Variants in IL5RA observed in about 807,000 individuals in gnomAD.
The protein encoded by IL5RA is interleukin-5 receptor subunit alpha.
In IL5RA, 49 loss-of-function variants were observed where a neutral mutation model predicts 50.0. That is an observed-to-expected ratio of 0.98 (90% CI 0.78 to 1.24). IL5RA has a LOEUF of 1.24. IL5RA is among the 50% of genes most tolerant of loss of function. IL5RA has a pLI of 0.00. For missense variants in IL5RA, 600 were observed against 500.4 expected (o/e 1.20, Z -1.90); for synonymous variants, 202 against 174.0 (o/e 1.16, Z -1.26).
intron 9 of IL5RA, among the ~76,000 whole-genome samples, chr3:3,080,199 G>C (rs967276566): frequency 5.3e-5 from 8 of 152,142 alleles, no homozygotes; most frequent in Admixed American, 5.2e-4. Flanking sequence ...AGTGCTTCTA[G>C]GTGCTCAGAT....
chr3:3,098,524 C>T (rs1703474140), intron 5 of IL5RA, among the ~76,000 whole-genome samples: 1 of 152,104 alleles, frequency 6.6e-6, no homozygotes. Flanking sequence ...TCTCGTGCCT[C>T]AGCCTCCCAA....
At chr3:3,091,191 TAC>T (rs1703082134) in intron 9 of IL5RA, among the ~76,000 whole-genome samples, 1 of 152,226 alleles carries the variant, frequency 6.6e-6, no homozygotes, top group African/African-American at 2.4e-5. Context: ...CCCTATAGAT[TAC>T]ACAGTTTTGG....
intron 1 of IL5RA, among the ~76,000 whole-genome samples, chr3:3,109,085 G>A (rs1247471620): frequency 6.6e-6 from 1 of 152,034 alleles, no homozygotes; most frequent in Non-Finnish European, 1.5e-5. Context: ...CTTTTCATGT[G>A]TTTATTAATT....
chr3:3,070,035 T>G lies in IL5RA; in HGVS notation c.*190A>C. 1 of 530,030 alleles carries G rather than the reference T, an allele frequency of 1.9e-6. No homozygotes were observed. The highest frequency in any genetic ancestry group is 3.4e-6 in the Non-Finnish European group (1 of 294,596). The allele number at this position is 530,030 out of a possible 1,614,324, so 32.8% of individuals were successfully genotyped here. The stretch of plus-strand genomic sequence containing the variant: ...GATGAGTCAACTTCCCTGCTGTAGG[T>G]GAGGCGATTTGGATGAAGCATCCAT... On this transcript the variant is annotated 3_prime_UTR_variant, in exon 12 of 12. Transcript: ENST00000446632.
chr3:3,078,985 C>T (rs897098980), intron 9 of IL5RA, among the ~76,000 whole-genome samples: 1 of 152,106 alleles, frequency 6.6e-6, no homozygotes, highest in African/African-American at 2.4e-5. Context: ...GACCTCCTTC[C>T]TGAATTTCAG....
intron 9 of IL5RA, among the ~76,000 whole-genome samples, chr3:3,089,711 C>A (rs1296009743): frequency 2.6e-5 from 4 of 151,994 alleles, no homozygotes; most frequent in Non-Finnish European, 4.4e-5. Context: ...TCACTGCAAC[C>A]TCTGCCTCCT....
chr3:3,092,904 C>T lies in IL5RA; in HGVS notation c.856-542G>A, dbSNP rs1176115412. On this transcript the variant is annotated intron_variant, in intron 8 of 11. Transcript: ENST00000446632. The surrounding 1 kb of genome is among the most constrained non-coding windows in gnomAD (Gnocchi z 4.2). The stretch of plus-strand genomic sequence containing the variant: ...GGAGGTGTTTCTCCCTTTTTTACTC[C>T]AGCCCTGTGACCATTGCCTATTTTA... 6.6e-6 allele frequency among the ~76,000 whole-genome samples: 1 copy of T among 152,072 alleles called. No individual in the cohort carries two copies. Among genetic ancestry groups the T allele is most frequent in the Non-Finnish European group, 1.5e-5 (1 of 68,024 alleles).
Position 3,074,911 on chromosome 3 carries a change from T to C in IL5RA, c.1092-45A>G, listed in dbSNP as rs753346086. On this transcript the variant is annotated intron_variant, in intron 10 of 11. Coordinates refer to ENST00000446632, the MANE Select transcript of IL5RA (RefSeq NM_175726.4). ...GGAATTAGGTGAGCATGAGTATACCTTTTGTCTCTAAATATCTACTCTAAA... is the reference window on the plus strand; with the variant it reads ...GGAATTAGGTGAGCATGAGTATACCCTTTGTCTCTAAATATCTACTCTAAA... The C allele has an allele frequency of 1.1e-4, 122 of 1,161,662 alleles. 1 individual carries two copies. Among genetic ancestry groups the C allele is most frequent in the Non-Finnish European group, 1.6e-4 (120 of 773,878 alleles). 72.0% of individuals were successfully genotyped at this position (1,161,662 alleles called of 1,614,324 possible).
chr3:3,074,729 A>AG, intron 11 of IL5RA, 53 bp downstream of exon 11: 1 of 1,043,740 alleles, frequency 9.6e-7, no homozygotes, highest in Non-Finnish European at 1.5e-6. Context: ...GACAGCTCCC[A>AG]GGGGACTCAA....
chr3:3,092,749 TGTTGA>T lies in IL5RA; in HGVS notation c.856-392_856-388del, dbSNP rs1703183529. 2.6e-5 allele frequency among the ~76,000 whole-genome samples: 4 copies of T among 152,166 alleles called. No homozygotes were observed. The highest frequency in any genetic ancestry group is 5.9e-5 in the Non-Finnish European group (4 of 68,034). On this transcript the variant is annotated intron_variant, in intron 8 of 11. Coordinates refer to ENST00000446632, the MANE Select transcript of IL5RA (RefSeq NM_175726.4). The surrounding 1 kb of genome is among the most constrained non-coding windows in gnomAD (Gnocchi z 4.2). ...GTCACATGAACGCTAGATTGTCTAG[TGTTGA>T]AATGAAGCTATTTTCTCATGAATGA...
chr3:3,077,418 C>T (rs941028019), intron 9 of IL5RA, among the ~76,000 whole-genome samples: 1 of 152,176 alleles, frequency 6.6e-6, no homozygotes, highest in African/African-American at 2.4e-5. Context: ...CTTCTAGGAA[C>T]TTCTATGATA....
intron 7 of IL5RA, among the ~76,000 whole-genome samples, chr3:3,097,429 C>T (rs183569534): frequency 1.3e-4 from 20 of 152,248 alleles, no homozygotes; most frequent in African/African-American, 4.6e-4. Context: ...GACCCAGGGG[C>T]AGAAATTTCA....
At chr3:3,097,225 C>CA (rs1703406088) in intron 7 of IL5RA, among the ~76,000 whole-genome samples, 1 of 152,270 alleles carries the variant, frequency 6.6e-6, no homozygotes, top group African/African-American at 2.4e-5. Flanking sequence ...CTGAGAATTG[C>CA]ACACTGAGAG....
chr3:3,074,708 A>G, intron 11 of IL5RA, 74 bp downstream of exon 11: 4 of 829,776 alleles, frequency 4.8e-6, no homozygotes, highest in Non-Finnish European at 8.0e-6. Context: ...ATAGAAAACT[A>G]AGAACCGAAT....
chr3:3,110,053 T>C lies in IL5RA; in HGVS notation c.-254A>G, dbSNP rs1704110647. On this transcript the variant is annotated 5_prime_UTR_variant, in exon 1 of 12. The change abolishes an upstream ATG in the 5' untranslated region. Coordinates refer to ENST00000446632, the MANE Select transcript of IL5RA (RefSeq NM_175726.4). ...GAGGCGGTTCTTCACTCTTTCATCA[T>C]CACGGCTGTAATGGTTAAAAACTCT... 2 of 152,170 alleles carry C rather than the reference T, an allele frequency of 1.3e-5. No homozygotes were observed. Among genetic ancestry groups the C allele is most frequent in the African/African-American group, 4.8e-5 (2 of 41,436 alleles). 9.4% of individuals were successfully genotyped at this position (152,170 alleles called of 1,614,324 possible). A position where few individuals can be genotyped will look rare whatever the true frequency, so the allele number is the denominator to read the frequency against.
chr3:3,091,325 T>C (rs934616307), intron 9 of IL5RA, among the ~76,000 whole-genome samples: 1 of 152,150 alleles, frequency 6.6e-6, no homozygotes, highest in Non-Finnish European at 1.5e-5. Context: ...GATGGGTGTA[T>C]TTATAAAAGT....
At position 3,083,904 on chromosome 3, in the gene IL5RA, C is replaced by A. The variant is rs138377185; in HGVS notation, c.995-7277G>T. On this transcript the variant is annotated intron_variant, in intron 9 of 11. Transcript: ENST00000446632. ...GTCTCTACTAAAGATACAAAATTAGCCAGGCGGGGTGGCATGAGTAATTCC... is the reference window on the plus strand; with the variant it reads ...GTCTCTACTAAAGATACAAAATTAGACAGGCGGGGTGGCATGAGTAATTCC... Among the ~76,000 whole-genome samples the A allele has an allele frequency of 1.8e-3, 273 of 152,142 alleles. 8 individuals are homozygous for A. In the South Asian group the frequency reaches 0.053, roughly 30 times the overall value.
At chr3:3,107,684 T>C (rs539126413) in intron 2 of IL5RA, among the ~76,000 whole-genome samples, 90 of 152,330 alleles carry the variant, frequency 5.9e-4, no homozygotes, top group African/African-American at 2.1e-3. Flanking sequence ...CATGATCTCA[T>C]GATCTACTTG....
intron 11 of IL5RA, among the ~76,000 whole-genome samples, chr3:3,070,887 A>G (rs965747651): frequency 2.6e-5 from 4 of 152,002 alleles, no homozygotes; most frequent in African/African-American, 9.7e-5. Context: ...GGCCGGATAC[A>G]CATCTTTAAA....
Sources: gnomAD v4.1 joint callset for allele counts (sites outside exome capture counted in the v4.1 genomes callset) on GRCh38, gnomAD v4.1.1 for gene constraint, Gnocchi (gnomAD v3.1) non-coding constraint, MANE v1.5 for transcripts, NCBI Gene and HGNC (gene_info 2026-07-23, HGNC 2026-07-21) for gene names.